TMEM74: variants seen among roughly 807,000 people sequenced by gnomAD.
TMEM74 encodes the protein transmembrane protein 74.
A neutral mutation model predicts 18.1 loss-of-function variants in TMEM74; 13 were observed. The ratio of observed to expected loss-of-function variants is 0.72; its 90% confidence interval spans 0.47 to 1.14. The LOEUF is 1.14. Among genes scored for constraint, TMEM74 ranks in the 50% most tolerant of loss-of-function variants. The pLI is 0.00. For missense variants in TMEM74, 372 were observed against 375.9 expected (o/e 0.99, Z 0.09); for synonymous variants, 159 against 146.6 (o/e 1.08, Z -0.61).
intron 1 of TMEM74, among the ~76,000 whole-genome samples, chr8:108,690,407 A>C (rs1216289853): frequency 1.3e-5 from 2 of 151,448 alleles, no homozygotes; most frequent in African/African-American, 4.9e-5. Flanking sequence ...TTAGTCCCCC[A>C]GTGTTCTCTT....
Position 108,702,343 on chromosome 8 carries a change from T to TAA in TMEM74, n.120-46908_120-46907dup, listed in dbSNP as rs1242874088. 7.4e-3 allele frequency among the ~76,000 whole-genome samples: 703 copies of TAA among 95,038 alleles called. 11 individuals carry two copies. Among genetic ancestry groups the TAA allele is most frequent in the African/African-American group, 0.026 (635 of 24,128 alleles). The allele number at this position is 95,038 out of a possible 152,430, so 62.3% of individuals were successfully genotyped here. ...CCTGGCGACGGTGTGAGACTCCATC[T>TAA]AAAAAAAAAAAAAAAAAAAGAAAGA... On this transcript the variant is annotated intron_variant and non_coding_transcript_variant, in intron 1 of 3. Coordinates refer to the TMEM74 transcript ENST00000518838.
chr8:108,750,662 G>A (rs533896373), intron 1 of TMEM74, among the ~76,000 whole-genome samples: 1 of 152,238 alleles, frequency 6.6e-6, no homozygotes, highest in Non-Finnish European at 1.5e-5. Context: ...GGCAGAATAT[G>A]ATGTTCTGGG....
chr8:108,673,299 T>C (rs1036658144), intron 1 of TMEM74, among the ~76,000 whole-genome samples: 1 of 152,200 alleles, frequency 6.6e-6, no homozygotes, highest in Non-Finnish European at 1.5e-5. Context: ...CCTTGTATTA[T>C]GACTACACAC....
intron 2 of TMEM74, among the ~76,000 whole-genome samples, chr8:108,645,101 C>A (rs967459708): frequency 6.6e-6 from 1 of 152,116 alleles, no homozygotes; most frequent in African/African-American, 2.4e-5. Context: ...TTGGAATCAA[C>A]CTAGGTGCCC....
intron 1 of TMEM74, among the ~76,000 whole-genome samples, chr8:108,771,657 G>A (rs934379659): frequency 3.9e-5 from 6 of 152,152 alleles, no homozygotes; most frequent in African/African-American, 1.4e-4. Context: ...TGCAAATTAT[G>A]TTTAGTGGTT....
At chr8:108,718,109 C>T (rs1390907109) in intron 1 of TMEM74, among the ~76,000 whole-genome samples, 2 of 111,084 alleles carry the variant, frequency 1.8e-5, no homozygotes, top group Admixed American at 1.7e-4. Context: ...CAGGCGCCCG[C>T]CACTACGCCC....
chr8:108,753,166 T>C (rs1813919985), intron 1 of TMEM74, among the ~76,000 whole-genome samples: 2 of 152,136 alleles, frequency 1.3e-5, no homozygotes, highest in Non-Finnish European at 2.9e-5. Flanking sequence ...TTAACAGGCA[T>C]TTTATTTCTT....
chr8:108,693,811 C>T (rs940551101), intron 1 of TMEM74, among the ~76,000 whole-genome samples: 5 of 152,302 alleles, frequency 3.3e-5, no homozygotes, highest in South Asian at 4.1e-4. Flanking sequence ...GAATAATACA[C>T]GAAGCAGATT....
intron 1 of TMEM74, among the ~76,000 whole-genome samples, chr8:108,764,308 T>C (rs1259662775): frequency 6.6e-6 from 1 of 152,180 alleles, no homozygotes; most frequent in African/African-American, 2.4e-5. Context: ...GGACATGTTC[T>C]ATAGTCAGGA....
intron 1 of TMEM74, among the ~76,000 whole-genome samples, chr8:108,751,299 C>T (rs1372664561): frequency 6.6e-6 from 1 of 152,062 alleles, no homozygotes; most frequent in Non-Finnish European, 1.5e-5. Flanking sequence ...AGGCCGAGGT[C>T]CAGTATTTCT....
rs372755696 is a variant in TMEM74 at position 108,762,575 on chromosome 8, C to T, written n.119+24901G>A. 4.6e-5 allele frequency among the ~76,000 whole-genome samples: 7 copies of T among 152,226 alleles called. No homozygotes were observed. The East Asian group carries it at 5.8e-4, about 13-fold the overall frequency. On this transcript the variant is annotated intron_variant and non_coding_transcript_variant, in intron 1 of 3. Transcript: ENST00000518838. ...ATGACCAACAGCATTTATCTTGTCA[C>T]CAGTCAAGCTTCAGGTCTCAGCTCC...
rs6988863 is a variant in TMEM74, at chr8:108,641,466, A to G, written n.264+13827T>C. 6.2e-3 allele frequency among the ~76,000 whole-genome samples: 942 copies of G among 152,016 alleles called. 14 individuals carry two copies. The highest frequency in any genetic ancestry group is 0.022 in the African/African-American group (897 of 41,470). On this transcript the variant is annotated intron_variant and non_coding_transcript_variant, in intron 2 of 3. Coordinates refer to the TMEM74 transcript ENST00000518838. Reference sequence around the variant, plus strand: ...TAGCACTGTGACAGTGCTGCTTCTCATTTTGCACTGTGTGCATTCCTCTCT... The same window carrying G: ...TAGCACTGTGACAGTGCTGCTTCTCGTTTTGCACTGTGTGCATTCCTCTCT...
At chr8:108,687,282 G>A in intron 1 of TMEM74, among the ~76,000 whole-genome samples, 1 of 152,142 alleles carries the variant, frequency 6.6e-6, no homozygotes, top group African/African-American at 2.4e-5. Flanking sequence ...AAAAATGAAT[G>A]AATTTCTCTA....
intron 1 of TMEM74, among the ~76,000 whole-genome samples, chr8:108,773,245 G>A (rs767203996): frequency 1.3e-5 from 2 of 151,934 alleles, no homozygotes; most frequent in Non-Finnish European, 2.9e-5. Context: ...TAGCTTGAGA[G>A]CCTGATTTTT....
At chr8:108,717,582 C>T (rs1350944125) in intron 1 of TMEM74, among the ~76,000 whole-genome samples, 1 of 151,988 alleles carries the variant, frequency 6.6e-6, no homozygotes, top group Non-Finnish European at 1.5e-5. Flanking sequence ...GGGTGACAGG[C>T]AGATAGGGAA....
chr8:108,774,919 CAA>C (rs2129650608), downstream of TMEM74, among the ~76,000 whole-genome samples: 1 of 152,066 alleles, frequency 6.6e-6, no homozygotes, highest in South Asian at 2.1e-4. Flanking sequence ...TTCTTACACA[CAA>C]AGACTCAACT....
intron 1 of TMEM74, among the ~76,000 whole-genome samples, chr8:108,663,076 G>A (rs1812916144): frequency 6.6e-6 from 1 of 152,106 alleles, no homozygotes; most frequent in African/African-American, 2.4e-5. Context: ...AGCAACAAAA[G>A]CAAAAATTGA....
At chr8:108,622,499 A>T (rs143902724) in intron 2 of TMEM74, among the ~76,000 whole-genome samples, 1 of 152,258 alleles carries the variant, frequency 6.6e-6, no homozygotes, top group Admixed American at 6.5e-5. Flanking sequence ...ATCACTTGAG[A>T]TACTGTATAC....
intron 1 of TMEM74, among the ~76,000 whole-genome samples, chr8:108,688,339 G>A (rs1009985922): frequency 2.0e-5 from 3 of 152,124 alleles, no homozygotes; most frequent in Non-Finnish European, 2.9e-5. Context: ...TACTGCCCTT[G>A]AGCGTGTGAG....
Sources: gnomAD v4.1 joint callset for allele counts (sites outside exome capture counted in the v4.1 genomes callset) on GRCh38, gnomAD v4.1.1 for gene constraint, MANE v1.5 for transcripts, NCBI Gene and HGNC (gene_info 2026-07-23, HGNC 2026-07-21) for gene names.